Variants in POLR2F observed in about 807,000 individuals in gnomAD.
The protein encoded by POLR2F is RNA polymerase II, I and III subunit F.
A neutral mutation model predicts 22.7 loss-of-function variants in POLR2F; 12 were observed. The observed-to-expected ratio is 0.53, with a 90% confidence interval of 0.34 to 0.86. The LOEUF (loss-of-function observed/expected upper bound fraction) is 0.86, where lower values mean the gene tolerates loss of function less well. Among genes scored for constraint, POLR2F ranks in the 40% least tolerant of loss-of-function variants. POLR2F has a pLI of 0.02. For synonymous variants in POLR2F, 57 were observed against 66.0 expected (o/e 0.86, Z 0.66); for missense variants, 126 against 171.5 (o/e 0.73, Z 1.48).
chr22:37,975,002 GC>G (rs1170457279), intron 4 of POLR2F, among the ~76,000 whole-genome samples: 1 of 152,140 alleles, frequency 6.6e-6, no homozygotes, highest in Non-Finnish European at 1.5e-5. Context: ...CTGCTTCCCA[GC>G]CCACTGGCAA....
intron 1 of POLR2F, among the ~76,000 whole-genome samples, chr22:37,995,863 G>C (rs1231620083): frequency 6.6e-6 from 1 of 151,978 alleles, no homozygotes; most frequent in East Asian, 1.9e-4. Context: ...AGCTGGGTGT[G>C]GTGGTGTGTG....
intron 3 of POLR2F, among the ~76,000 whole-genome samples, chr22:37,961,838 A>G (rs2145739884): frequency 6.6e-6 from 1 of 152,286 alleles, no homozygotes; most frequent in Admixed American, 6.5e-5. Flanking sequence ...GACTGAGAAC[A>G]GGAGCCCCTA....
At chr22:38,034,609 C>T (rs2085097148) in intron 5 of POLR2F, among the ~76,000 whole-genome samples, 1 of 152,132 alleles carries the variant, frequency 6.6e-6, no homozygotes, top group Non-Finnish European at 1.5e-5. Flanking sequence ...GCCGTGCAGC[C>T]CTGGACCCCT....
intron 1 of POLR2F, among the ~76,000 whole-genome samples, chr22:38,015,700 A>G (rs2084910217): frequency 6.6e-6 from 1 of 152,176 alleles, no homozygotes. Context: ...ATAGAAAGAC[A>G]GGGGAGTTAT....
In POLR2F at chr22:37,986,591, A is replaced by G. The variant is rs1212777388; in HGVS notation, c.120+279A>G. ...CTGTCTGCAGGAAGCCACGCTAGACAGAAGGGGCCACTCCCTCTCTCTCTC... is the reference window on the plus strand; with the variant it reads ...CTGTCTGCAGGAAGCCACGCTAGACGGAAGGGGCCACTCCCTCTCTCTCTC... On this transcript the variant is annotated intron_variant, in intron 1 of 2. Coordinates refer to the POLR2F transcript ENST00000333418. This position sits in a 1 kb window ranked among gnomAD's most constrained non-coding sequence, Gnocchi z 4.7. 21 of 709,554 alleles carry G rather than the reference A, an allele frequency of 3.0e-5. No homozygotes were observed. The highest frequency in any genetic ancestry group is 5.3e-5 in the Non-Finnish European group (21 of 396,712). 44.0% of individuals were successfully genotyped at this position (709,554 alleles called of 1,614,324 possible).
chr22:38,031,379 CCCA>C (rs2085064128), downstream of POLR2F, among the ~76,000 whole-genome samples: 1 of 152,128 alleles, frequency 6.6e-6, no homozygotes, highest in Non-Finnish European at 1.5e-5. This position sits in a 1 kb window ranked among gnomAD's most constrained non-coding sequence, Gnocchi z 4.1. Context: ...CCCACGTCCC[CCCA>C]CAAGGTAGAC....
At chr22:37,990,721 G>A (rs1452755752) in intron 1 of POLR2F, among the ~76,000 whole-genome samples, 1 of 152,278 alleles carries the variant, frequency 6.6e-6, no homozygotes, top group Non-Finnish European at 1.5e-5. Context: ...TGGCTGTGGA[G>A]GCCCTGTGTT....
intron 1 of POLR2F, chr22:37,987,320 A>G: frequency 2.2e-6 from 1 of 456,448 alleles, no homozygotes; most frequent in Non-Finnish European, 4.4e-6. Flanking sequence ...GATGGGCCCC[A>G]GAGAGGAGGA....
intron 5 of POLR2F, among the ~76,000 whole-genome samples, chr22:38,037,439 ATTTT>A (rs10624395): frequency 7.2e-5 from 9 of 124,202 alleles, no homozygotes; most frequent in Non-Finnish European, 9.8e-5. Flanking sequence ...ATGCTCGGCT[ATTTT>A]TTTTTTTTTT....
chr22:37,988,742 C>T (rs908351514), intron 1 of POLR2F: 6 of 154,348 alleles, frequency 3.9e-5, no homozygotes, highest in Non-Finnish European at 8.8e-5. Flanking sequence ...GGCTGAGGTA[C>T]AAGCATAAAG....
chr22:37,967,563 C>T, intron 4 of POLR2F, 62 bp from the exon 5 acceptor site: 1 of 1,595,968 alleles, frequency 6.3e-7, no homozygotes, highest in South Asian at 1.1e-5. Flanking sequence ...ACAATCTGTT[C>T]CTTCTGCGGC....
chr22:37,980,878 A>AG lies in POLR2F; in HGVS notation c.293+13712dup, dbSNP rs1265893100. On this transcript the variant is annotated intron_variant, in intron 4 of 4. Transcript: ENST00000405557. The surrounding 1 kb of genome is among the most constrained non-coding windows in gnomAD (Gnocchi z 4.1). ...GGGGCATAAGAAGACTACTTGGGGA[A>AG]GGGGCCTGTGGCACTGGGAACAGAG... is the stretch of plus-strand genomic sequence containing the variant. Among the ~76,000 whole-genome samples, 5 of 152,210 alleles carry AG rather than the reference A, an allele frequency of 3.3e-5. No homozygotes were observed. Among genetic ancestry groups the AG allele is most frequent in the African/African-American group, 1.2e-4 (5 of 41,456 alleles).
At chr22:38,035,303 T>C (rs2085104575) in intron 5 of POLR2F, among the ~76,000 whole-genome samples, 1 of 152,168 alleles carries the variant, frequency 6.6e-6, no homozygotes, top group Non-Finnish European at 1.5e-5. Flanking sequence ...GGTGTGTGCA[T>C]ACCCCTCACC....
exon 2 of POLR2F, chr22:38,025,923 G>A (rs769024427): frequency 1.7e-5 from 12 of 712,260 alleles, no homozygotes; most frequent in South Asian, 6.8e-5. Context: ...ACTCAGGAGC[G>A]CTCAACAGAT....
At position 37,956,825 on chromosome 22, in the gene POLR2F, T is replaced by C. The variant is rs1601862695; in HGVS notation, c.73T>C (p.Leu25=). The change falls in exon 2 of 5, where the codon TTG becomes CTG. Residue 25 remains leucine (L), a synonymous_variant. Coordinates refer to ENST00000442738, the MANE Select transcript of POLR2F (RefSeq NM_021974.5). The part of the protein sequence containing the change: ...DVEEDEGLDD[L]ENAEEEGQEN... ...GGAGGAGGATGAAGGGCTAGATGAC[T>C]TGGAGAATGCCGAAGAGGTCAGTAT... 22 of 1,613,976 alleles carry C rather than the reference T, an allele frequency of 1.4e-5. No homozygotes were observed. In the East Asian group the frequency reaches 4.9e-4, roughly 36 times the overall value.
Position 37,986,813 on chromosome 22 carries a change from C to T in POLR2F, c.120+501C>T, listed in dbSNP as rs1257245212. On this transcript the variant is annotated intron_variant, in intron 1 of 2. Coordinates refer to the POLR2F transcript ENST00000333418. This position sits in a 1 kb window ranked among gnomAD's most constrained non-coding sequence, Gnocchi z 4.7. ...GCTGGCAACTGGGATCCCCTCCATC[C>T]CATCCCAGGCCCTGGGAACCCAGTG... 2.2e-6 allele frequency: 1 copy of T among 459,240 alleles called. No homozygotes were observed. Among genetic ancestry groups the T allele is most frequent in the Admixed American group, 2.3e-5 (1 of 42,624 alleles). 28.4% of individuals were successfully genotyped at this position (459,240 alleles called of 1,614,324 possible). A position where few individuals can be genotyped will look rare whatever the true frequency, so the allele number is the denominator to read the frequency against.
chr22:37,965,021 G>A (rs1440224253), intron 3 of POLR2F, among the ~76,000 whole-genome samples: 1 of 152,104 alleles, frequency 6.6e-6, no homozygotes, highest in African/African-American at 2.4e-5. Context: ...GCACTTGGTA[G>A]GTGCAGGTGG....
chr22:38,020,252 C>CAT (rs1430296531), intron 1 of POLR2F, among the ~76,000 whole-genome samples: 2 of 150,732 alleles, frequency 1.3e-5, no homozygotes, highest in South Asian at 2.1e-4. Flanking sequence ...TATATATACA[C>CAT]ATATATATAC....
At position 37,978,276 on chromosome 22, in the gene POLR2F, TG is replaced by T; in HGVS notation, c.293+11111del. 1 of 870,674 alleles carries T rather than the reference TG, an allele frequency of 1.1e-6. No individual in the cohort carries two copies. Among genetic ancestry groups the T allele is most frequent in the Non-Finnish European group, 1.7e-6 (1 of 588,094 alleles). The allele number at this position is 870,674 out of a possible 1,614,324, so 53.9% of individuals were successfully genotyped here. On this transcript the variant is annotated intron_variant, in intron 4 of 4. Coordinates refer to the POLR2F transcript ENST00000405557. This position sits in a 1 kb window ranked among gnomAD's most constrained non-coding sequence, Gnocchi z 5.0. ...GGCACCCAGAGGACAGGACCCGGGGTGGGGGCTGTGCCCTATGATTTGTGGA... is the reference window on the plus strand; with the variant it reads ...GGCACCCAGAGGACAGGACCCGGGGTGGGGCTGTGCCCTATGATTTGTGGA...
Sources: allele counts gnomAD v4.1 joint callset (sites outside exome capture counted in the v4.1 genomes callset), GRCh38; gene constraint gnomAD v4.1.1; non-coding constraint Gnocchi (gnomAD v3.1); transcripts MANE v1.5; gene names NCBI Gene and HGNC (gene_info 2026-07-23, HGNC 2026-07-21).